Variants in ASIC2 observed in about 807,000 individuals in gnomAD.
The protein encoded by ASIC2 is acid sensing ion channel subunit 2.
Under a neutral mutation model 57.3 loss-of-function variants are expected in ASIC2, and 25 were observed. The ratio of observed to expected loss-of-function variants is 0.44; its 90% confidence interval spans 0.32 to 0.61. The LOEUF is 0.61. Ranked by LOEUF, ASIC2 falls within the 20% of genes least tolerant of loss-of-function variation. The pLI is 0.06. For synonymous variants in ASIC2, 319 were observed against 307.5 expected (o/e 1.04, Z -0.39); for missense variants, 641 against 738.1 (o/e 0.87, Z 1.52).
intron 1 of ASIC2, chr17:34,038,165 T>A: frequency 6.2e-7 from 1 of 1,612,688 alleles, no homozygotes. Context: ...TGGTTTGAGG[T>A]CATAGTGTAT....
At chr17:33,516,924 T>C (rs1476628374) in intron 1 of ASIC2, among the ~76,000 whole-genome samples, 1 of 152,214 alleles carries the variant, frequency 6.6e-6, no homozygotes, top group Non-Finnish European at 1.5e-5. Context: ...TTTTCATCTC[T>C]GGCTCCTTTG....
intron 1 of ASIC2, among the ~76,000 whole-genome samples, chr17:33,369,831 G>C (rs1908974448): frequency 1.3e-5 from 2 of 152,132 alleles, no homozygotes; most frequent in African/African-American, 4.8e-5. Flanking sequence ...CCTCTTCTGT[G>C]ATCCATTTCG....
intron 1 of ASIC2, among the ~76,000 whole-genome samples, chr17:33,872,598 C>A (rs1373184046): frequency 6.6e-6 from 1 of 152,098 alleles, no homozygotes; most frequent in Non-Finnish European, 1.5e-5. Context: ...GAATCTCACA[C>A]CCCAGAGATC....
chr17:33,295,219 A>G (rs746255287), upstream of ASIC2, among the ~76,000 whole-genome samples: 2 of 152,286 alleles, frequency 1.3e-5, no homozygotes, highest in East Asian at 1.9e-4. Context: ...CTTCTCTGCC[A>G]TGGGATTTCC....
chr17:34,047,167 C>A (rs374695599), intron 1 of ASIC2, among the ~76,000 whole-genome samples: 49 of 152,164 alleles, frequency 3.2e-4, no homozygotes, highest in African/African-American at 1.2e-3. Context: ...TTTCTCCAAA[C>A]AGAATACAGC....
chr17:33,895,926 AT>A (rs1414027807), intron 1 of ASIC2, among the ~76,000 whole-genome samples: 1 of 152,144 alleles, frequency 6.6e-6, no homozygotes, highest in Non-Finnish European at 1.5e-5. Context: ...CACTTAACTT[AT>A]TTGAGTCTCA....
chr17:34,078,085 T>C (rs1036930640), intron 1 of ASIC2, among the ~76,000 whole-genome samples: 3 of 152,136 alleles, frequency 2.0e-5, no homozygotes, highest in African/African-American at 7.2e-5. Context: ...CAGCTCTCAG[T>C]GTTCAGCTAC....
At chr17:34,088,196 T>C (rs1306707135) in intron 1 of ASIC2, among the ~76,000 whole-genome samples, 1 of 152,226 alleles carries the variant, frequency 6.6e-6, no homozygotes, top group Admixed American at 6.5e-5. Flanking sequence ...TCTTTGATGA[T>C]GGTGATGTAC....
At chr17:33,873,140 T>C (rs922562587) in intron 1 of ASIC2, among the ~76,000 whole-genome samples, 1 of 152,214 alleles carries the variant, frequency 6.6e-6, no homozygotes, top group Non-Finnish European at 1.5e-5. Context: ...TCTCTCTAAA[T>C]AAACTCTTTG....
chr17:33,404,069 T>A (rs1038829305), intron 1 of ASIC2, among the ~76,000 whole-genome samples: 1 of 152,168 alleles, frequency 6.6e-6, no homozygotes, highest in Non-Finnish European at 1.5e-5. Flanking sequence ...CATAGAGAGA[T>A]ATTCGTGTTT....
At chr17:33,588,158 C>A (rs1333444959) in intron 1 of ASIC2, among the ~76,000 whole-genome samples, 1 of 152,186 alleles carries the variant, frequency 6.6e-6, no homozygotes, top group Non-Finnish European at 1.5e-5. Flanking sequence ...TTTCAAAAGA[C>A]CATGCATGAT....
chr17:33,465,353 G>C (rs1391423920), intron 1 of ASIC2, among the ~76,000 whole-genome samples: 1 of 149,194 alleles, frequency 6.7e-6, no homozygotes, highest in Non-Finnish European at 1.5e-5. Flanking sequence ...CTTTGAGTGT[G>C]GGCCTTTTTT....
At chr17:33,181,005 T>C (rs1467778940) in intron 1 of ASIC2, among the ~76,000 whole-genome samples, 1 of 152,160 alleles carries the variant, frequency 6.6e-6, no homozygotes, top group East Asian at 1.9e-4. Context: ...GGAGTTTCGG[T>C]TGGCTGAGGA....
At chr17:33,363,081 T>C (rs1908673766) in intron 1 of ASIC2, among the ~76,000 whole-genome samples, 1 of 152,214 alleles carries the variant, frequency 6.6e-6, no homozygotes, top group Non-Finnish European at 1.5e-5. Context: ...CCAACAGCAC[T>C]TTTTTCTATA....
intron 1 of ASIC2, among the ~76,000 whole-genome samples, chr17:34,117,758 A>G (rs963316196): frequency 2.0e-5 from 3 of 152,058 alleles, no homozygotes; most frequent in African/African-American, 7.2e-5. Flanking sequence ...ACAAGGAGGG[A>G]AGAGTTGAGG....
chr17:34,107,471 T>C (rs1374923114), intron 1 of ASIC2, among the ~76,000 whole-genome samples: 1 of 152,204 alleles, frequency 6.6e-6, no homozygotes, highest in Non-Finnish European at 1.5e-5. Context: ...ATCACGCCAC[T>C]GTACCCCAGC....
At chr17:33,371,696 ATT>A (rs5820037) in intron 1 of ASIC2, among the ~76,000 whole-genome samples, 15 of 150,804 alleles carry the variant, frequency 9.9e-5, no homozygotes, top group East Asian at 3.9e-4. Flanking sequence ...ATACTTTGGG[ATT>A]TTTTTTTTTA....
chr17:33,682,838 T>C (rs1047702056), intron 1 of ASIC2, among the ~76,000 whole-genome samples: 5 of 152,216 alleles, frequency 3.3e-5, no homozygotes, highest in Admixed American at 6.5e-5. Flanking sequence ...TGCTTCCCAG[T>C]ACTAAGGTAA....
intron 1 of ASIC2, among the ~76,000 whole-genome samples, chr17:33,230,451 T>C (rs1027627215): frequency 6.6e-6 from 1 of 152,192 alleles, no homozygotes; most frequent in Non-Finnish European, 1.5e-5. Flanking sequence ...ACCACTTTTG[T>C]CTTGGTCACT....
Sources: allele counts gnomAD v4.1 joint callset (sites outside exome capture counted in the v4.1 genomes callset), GRCh38; gene constraint gnomAD v4.1.1; transcripts MANE v1.5; gene names NCBI Gene and HGNC (gene_info 2026-07-23, HGNC 2026-07-21).